Variants in PTPRN2 observed in about 807,000 individuals in gnomAD.
The protein encoded by PTPRN2 is receptor-type tyrosine-protein phosphatase N2.
In PTPRN2, 74 loss-of-function variants were observed where a neutral mutation model predicts 118.8. The ratio of observed to expected loss-of-function variants is 0.62; its 90% confidence interval spans 0.52 to 0.76. PTPRN2 has a LOEUF of 0.76. Ranked by LOEUF, PTPRN2 falls within the 30% of genes least tolerant of loss-of-function variation. The pLI, the probability that PTPRN2 is intolerant of heterozygous loss-of-function variation, is 0.00. For missense variants in PTPRN2, 1,481 were observed against 1,394.4 expected, an observed-to-expected ratio of 1.06 and a Z score of -0.99; for synonymous variants, 641 against 608.0, an observed-to-expected ratio of 1.05 and a Z score of -0.80.
Position 158,136,617 on chromosome 7 carries a change from C to T in PTPRN2, c.1173+38G>A, listed in dbSNP as rs766902191. On this transcript the variant is annotated intron_variant, in intron 8 of 22. Transcript: ENST00000389418. The stretch of plus-strand genomic sequence containing the variant: ...TGAACAAAAAGATCACCAACTTCCA[C>T]ATTTAACATGAAACAAACACCAGAG... 3 of 1,600,060 alleles carry T rather than the reference C, an allele frequency of 1.9e-6. No individual in the cohort carries two copies. In the South Asian group the frequency reaches 3.3e-5, roughly 18 times the overall value.
At chr7:157,910,294 C>T (rs1169020600) in intron 11 of PTPRN2, among the ~76,000 whole-genome samples, 1 of 148,646 alleles carries the variant, frequency 6.7e-6, no homozygotes. Context: ...CGCCGGATCA[C>T]GCACGTACGC....
chr7:158,414,953 C>T (rs1380733954), intron 2 of PTPRN2, among the ~76,000 whole-genome samples: 2 of 151,910 alleles, frequency 1.3e-5, no homozygotes, highest in Non-Finnish European at 2.9e-5. Flanking sequence ...GCACTCCAGC[C>T]ATAATACAAC....
In PTPRN2 at chr7:157,899,081, G is replaced by A. The variant is rs573618590; in HGVS notation, c.1724-344C>T. On this transcript the variant is annotated intron_variant, in intron 11 of 22. Coordinates refer to ENST00000389418, the MANE Select transcript of PTPRN2 (RefSeq NM_002847.5). ...CGTCTTATTTTAAAATTACGTAATC[G>A]TTTCTAGCTGTATAATTACTGGGAA... is the stretch of plus-strand genomic sequence containing the variant. 7.2e-5 allele frequency among the ~76,000 whole-genome samples: 11 copies of A among 152,288 alleles called. No individual in the cohort carries two copies. In the South Asian group the frequency reaches 1.0e-3, roughly 14 times the overall value.
intron 4 of PTPRN2, among the ~76,000 whole-genome samples, chr7:158,198,712 T>C (rs1247406955): frequency 6.7e-6 from 1 of 148,558 alleles, no homozygotes; most frequent in African/African-American, 2.5e-5. Context: ...TTCTGGCTTC[T>C]CAGGTCCTCC....
chr7:158,264,660 G>C (rs777168904), intron 3 of PTPRN2, among the ~76,000 whole-genome samples: 1 of 152,128 alleles, frequency 6.6e-6, no homozygotes, highest in African/African-American at 2.4e-5. Context: ...GGTCCCTTGC[G>C]GGGACCAAAG....
intron 2 of PTPRN2, among the ~76,000 whole-genome samples, chr7:158,366,629 A>T (rs1261037933): frequency 6.9e-6 from 1 of 145,914 alleles, no homozygotes; most frequent in African/African-American, 2.5e-5. Flanking sequence ...CCACCGAGAC[A>T]TACACGGCTG....
chr7:158,334,437 C>G (rs1295336183), intron 2 of PTPRN2, among the ~76,000 whole-genome samples: 1 of 73,786 alleles, frequency 1.4e-5, no homozygotes, highest in Non-Finnish European at 3.0e-5. Flanking sequence ...CTCACACCCA[C>G]ACTCTCACCA....
At chr7:158,577,060 G>T (rs1237559592) in intron 1 of PTPRN2, among the ~76,000 whole-genome samples, 3 of 140,254 alleles carry the variant, frequency 2.1e-5, no homozygotes, top group African/African-American at 8.2e-5. Context: ...ACACAACACT[G>T]AGGGCTGCCC....
chr7:158,055,401 A>G (rs1442808529), intron 11 of PTPRN2, among the ~76,000 whole-genome samples: 2 of 152,176 alleles, frequency 1.3e-5, no homozygotes, highest in South Asian at 2.1e-4. Flanking sequence ...CCCGCTACTT[A>G]GCAGACCAGG....
chr7:157,806,896 A>G (rs540434855), intron 12 of PTPRN2, among the ~76,000 whole-genome samples: 1 of 152,348 alleles, frequency 6.6e-6, no homozygotes, highest in South Asian at 2.1e-4. Context: ...CCTCTATCCC[A>G]TCAGACCTGC....
chr7:157,945,632 G>A (rs561868343), intron 11 of PTPRN2, among the ~76,000 whole-genome samples: 3 of 150,752 alleles, frequency 2.0e-5, no homozygotes, highest in East Asian at 2.0e-4. Context: ...CAGCTTGGAC[G>A]ATGCCGCCTC....
intron 5 of PTPRN2, among the ~76,000 whole-genome samples, chr7:158,169,182 T>G (rs1327718896): frequency 6.6e-6 from 1 of 152,162 alleles, no homozygotes; most frequent in Non-Finnish European, 1.5e-5. Context: ...TCCTCTGAGT[T>G]AGATTTTTGA....
chr7:158,335,810 C>A (rs1805433231), intron 2 of PTPRN2, among the ~76,000 whole-genome samples: 1 of 9,608 alleles, frequency 1.0e-4, no homozygotes, highest in Non-Finnish European at 2.5e-4. Context: ...AGAGGTGACA[C>A]CTGCAGACGT....
intron 10 of PTPRN2, among the ~76,000 whole-genome samples, chr7:158,100,939 C>G (rs990858472): frequency 6.6e-6 from 1 of 152,118 alleles, no homozygotes; most frequent in Non-Finnish European, 1.5e-5. Flanking sequence ...GTGAAAATGA[C>G]CGTACTGCCA....
chr7:158,125,470 C>T (rs1339959962), intron 9 of PTPRN2, among the ~76,000 whole-genome samples: 1 of 152,040 alleles, frequency 6.6e-6, no homozygotes, highest in African/African-American at 2.4e-5. Context: ...TTGTTTACTT[C>T]TTCTTCCTCT....
At chr7:158,369,418 G>A (rs1350127600) in intron 2 of PTPRN2, among the ~76,000 whole-genome samples, 1 of 152,124 alleles carries the variant, frequency 6.6e-6, no homozygotes, top group Non-Finnish European at 1.5e-5. Context: ...AACACATGGT[G>A]AGGGTGCCGG....
chr7:158,369,357 C>A (rs1483175079), intron 2 of PTPRN2, among the ~76,000 whole-genome samples: 1 of 151,672 alleles, frequency 6.6e-6, no homozygotes, highest in African/African-American at 2.4e-5. Context: ...ATATATCTGC[C>A]CCTCTAGAGA....
At chr7:157,900,103 C>T (rs761831925) in intron 11 of PTPRN2, among the ~76,000 whole-genome samples, 2 of 152,302 alleles carry the variant, frequency 1.3e-5, no homozygotes, top group Admixed American at 1.3e-4. Flanking sequence ...CGGTCACCGA[C>T]GTCAGGGTCA....
intron 13 of PTPRN2, among the ~76,000 whole-genome samples, chr7:157,661,784 C>G (rs1258722815): frequency 6.6e-6 from 1 of 152,184 alleles, no homozygotes; most frequent in Non-Finnish European, 1.5e-5. Flanking sequence ...TCCCTGGACA[C>G]TACGATGGGC....
Sources: gnomAD v4.1 joint callset for allele counts (sites outside exome capture counted in the v4.1 genomes callset) on GRCh38, gnomAD v4.1.1 for gene constraint, MANE v1.5 for transcripts, NCBI Gene and HGNC (gene_info 2026-07-23, HGNC 2026-07-21) for gene names.